LPGAT1: variants seen among roughly 807,000 people sequenced by gnomAD.
LPGAT1 encodes the protein lysophosphatidylglycerol acyltransferase 1.
Under a neutral mutation model 47.5 loss-of-function variants are expected in LPGAT1, and 11 were observed. That is an observed-to-expected ratio of 0.23 (90% CI 0.15 to 0.38). LPGAT1 has a LOEUF of 0.38. Among genes scored for constraint, LPGAT1 ranks in the 10% least tolerant of loss-of-function variants. The pLI is 1.00. For synonymous variants in LPGAT1, 138 were observed against 144.2 expected (o/e 0.96, Z 0.31); for missense variants, 293 against 439.0 (o/e 0.67, Z 2.97).
intron 2 of LPGAT1, among the ~76,000 whole-genome samples, chr1:211,805,469 A>G (rs1659720587): frequency 6.6e-6 from 1 of 152,214 alleles, no homozygotes; most frequent in Admixed American, 6.5e-5. Flanking sequence ...ATCCCATCAT[A>G]AAGTCAAAAA....
chr1:211,755,619 C>G (rs1268968882), intron 6 of LPGAT1, among the ~76,000 whole-genome samples: 1 of 150,762 alleles, frequency 6.6e-6, no homozygotes, highest in East Asian at 2.0e-4. Context: ...TTGAAAATCA[C>G]ACAGGGCTGG....
chr1:211,775,926 C>G (rs1658378342), intron 6 of LPGAT1, among the ~76,000 whole-genome samples: 1 of 133,112 alleles, frequency 7.5e-6, no homozygotes, highest in African/African-American at 2.7e-5. Flanking sequence ...AGCAAAATGC[C>G]ATCTCAAAAA....
intron 4 of LPGAT1, among the ~76,000 whole-genome samples, chr1:211,784,896 C>T (rs1333277916): frequency 3.3e-5 from 5 of 151,468 alleles, no homozygotes; most frequent in African/African-American, 1.2e-4. Context: ...CTCTGCCTCC[C>T]GGGTTCACGC....
chr1:211,779,246 C>T (rs150265762), intron 5 of LPGAT1, among the ~76,000 whole-genome samples: 1 of 152,200 alleles, frequency 6.6e-6, no homozygotes, highest in Non-Finnish European at 1.5e-5. Context: ...AATGGATGAA[C>T]CTCGAAACAA....
At chr1:211,790,735 C>T (rs1659076615) in intron 3 of LPGAT1, among the ~76,000 whole-genome samples, 1 of 152,110 alleles carries the variant, frequency 6.6e-6, no homozygotes, top group African/African-American at 2.4e-5. Flanking sequence ...ACAAGCCAAC[C>T]AAACTTTCTT....
intron 2 of LPGAT1, among the ~76,000 whole-genome samples, chr1:211,812,270 G>A (rs957194274): frequency 2.0e-5 from 3 of 152,074 alleles, no homozygotes; most frequent in African/African-American, 7.2e-5. Context: ...GTTTCTAAGG[G>A]AACCAGAGAA....
Position 211,748,150 on chromosome 1 carries a change from T to C in LPGAT1, c.*1749A>G, listed in dbSNP as rs1283951308. 1 of 149,224 alleles carries C rather than the reference T, an allele frequency of 6.7e-6. No individual in the cohort carries two copies. The highest frequency in any genetic ancestry group is 2.0e-4 in the East Asian group (1 of 4,972). 9.2% of individuals were successfully genotyped at this position (149,224 alleles called of 1,614,324 possible). A position where few individuals can be genotyped will look rare whatever the true frequency, so the allele number is the denominator to read the frequency against. Reference sequence around the variant, plus strand: ...TTGTTTTATAGCCTACTTCTCAAAATTGTTGTGTGATTAGTGACAACGGGG... The same window carrying C: ...TTGTTTTATAGCCTACTTCTCAAAACTGTTGTGTGATTAGTGACAACGGGG... On this transcript the variant is annotated 3_prime_UTR_variant, in exon 8 of 8. Coordinates refer to ENST00000366997, the MANE Select transcript of LPGAT1 (RefSeq NM_014873.3).
At chr1:211,800,663 T>C (rs1446806584) in intron 2 of LPGAT1, among the ~76,000 whole-genome samples, 1 of 152,208 alleles carries the variant, frequency 6.6e-6, no homozygotes, top group East Asian at 1.9e-4. Flanking sequence ...TTAGCTTGCC[T>C]GGCCAATAGT....
intron 6 of LPGAT1, among the ~76,000 whole-genome samples, chr1:211,755,516 T>A (rs1657403600): frequency 6.6e-6 from 1 of 151,014 alleles, no homozygotes; most frequent in African/African-American, 2.4e-5. Context: ...ATTGGGGGAG[T>A]ATTTTAAAAC....
intron 3 of LPGAT1, among the ~76,000 whole-genome samples, chr1:211,791,452 C>T (rs577175219): frequency 6.6e-6 from 1 of 152,236 alleles, no homozygotes; most frequent in East Asian, 1.9e-4. Context: ...AGCCATCTCA[C>T]TTGTCAATTA....
chr1:211,818,486 T>G (rs576318215), intron 2 of LPGAT1, among the ~76,000 whole-genome samples: 1 of 152,302 alleles, frequency 6.6e-6, no homozygotes. Flanking sequence ...TCTCCCTAAT[T>G]TGAAATGTTG....
At chr1:211,770,686 T>G (rs1252963552) in intron 6 of LPGAT1, among the ~76,000 whole-genome samples, 3 of 152,198 alleles carry the variant, frequency 2.0e-5, no homozygotes, top group Non-Finnish European at 2.9e-5. Context: ...GTTTATAAAG[T>G]CTACAGTAGT....
chr1:211,779,084 T>G, intron 5 of LPGAT1, 40 bp from the exon 6 acceptor site: 1 of 1,506,876 alleles, frequency 6.6e-7, no homozygotes, highest in Non-Finnish European at 8.9e-7. Flanking sequence ...TAAATCAACT[T>G]TTATATTATC....
At chr1:211,771,666 C>T (rs1658178519) in intron 6 of LPGAT1, among the ~76,000 whole-genome samples, 1 of 151,884 alleles carries the variant, frequency 6.6e-6, no homozygotes, top group Admixed American at 6.6e-5. Context: ...ACCATACCAG[C>T]TAATTTTTTG....
At chr1:211,768,218 T>G (rs538510351) in intron 6 of LPGAT1, among the ~76,000 whole-genome samples, 2 of 152,250 alleles carry the variant, frequency 1.3e-5, no homozygotes, top group Admixed American at 1.3e-4. Context: ...TGGTATGCAT[T>G]TGAAATGTGA....
chr1:211,802,624 A>C (rs1415419139), intron 2 of LPGAT1, among the ~76,000 whole-genome samples: 1 of 152,192 alleles, frequency 6.6e-6, no homozygotes, highest in Non-Finnish European at 1.5e-5. Context: ...GAGATTTAAA[A>C]ACAAGATGAA....
chr1:211,815,175 T>C (rs1352591861), intron 2 of LPGAT1, among the ~76,000 whole-genome samples: 1 of 152,212 alleles, frequency 6.6e-6, no homozygotes, highest in Non-Finnish European at 1.5e-5. Flanking sequence ...CCTTACAAGT[T>C]CCAGACTGCA....
At chr1:211,797,171 G>A (rs150440270) in intron 2 of LPGAT1, among the ~76,000 whole-genome samples, 181 of 152,180 alleles carry the variant, frequency 1.2e-3, no homozygotes, top group Middle Eastern at 3.4e-3. Flanking sequence ...CACAAGAATC[G>A]CTTGAACCTG....
rs547199971 is a variant in LPGAT1, at chr1:211,830,698, C to A, written c.-153G>T. Reference sequence around the variant, plus strand: ...CTGCCCCGCTCCGGCTGTGGCGCGGCCCGCGCCCGTTCCCCGGCGGCGCCG... The same window carrying A: ...CTGCCCCGCTCCGGCTGTGGCGCGGACCGCGCCCGTTCCCCGGCGGCGCCG... On this transcript the variant is annotated 5_prime_UTR_variant, in exon 1 of 8. Transcript: ENST00000366997. The surrounding 1 kb of genome is among the most constrained non-coding windows in gnomAD (Gnocchi z 5.9). The A allele has an allele frequency of 8.4e-7, 1 of 1,189,954 alleles. No individual in the cohort carries two copies. The highest frequency in any genetic ancestry group is 3.6e-5 in the East Asian group (1 of 27,730). 73.7% of individuals were successfully genotyped at this position (1,189,954 alleles called of 1,614,324 possible). A position where few individuals can be genotyped will look rare whatever the true frequency, so the allele number is the denominator to read the frequency against.
Sources: gnomAD v4.1 joint callset for allele counts (sites outside exome capture counted in the v4.1 genomes callset) on GRCh38, gnomAD v4.1.1 for gene constraint, Gnocchi (gnomAD v3.1) non-coding constraint, MANE v1.5 for transcripts, NCBI Gene and HGNC (gene_info 2026-07-23, HGNC 2026-07-21) for gene names.